Variants in CHTF18 observed in about 807,000 individuals in gnomAD.
The protein encoded by CHTF18 is chromosome transmission fidelity factor 18.
A neutral mutation model predicts 113.4 loss-of-function variants in CHTF18; 151 were observed. The ratio of observed to expected loss-of-function variants is 1.33; its 90% CI spans 1.17 to 1.52. The LOEUF (loss-of-function observed/expected upper bound fraction) is 1.52. CHTF18 is among the 40% of genes most tolerant of loss of function. The probability of loss-of-function intolerance (pLI) is 0.00; values close to 1 mark genes in which losing one functional copy is unlikely to be tolerated. For synonymous variants in CHTF18, 916 were observed against 598.8 expected, an observed-to-expected ratio of 1.53 and a Z score of -7.74; for missense variants, 1,982 against 1,381.6, an observed-to-expected ratio of 1.43 and a Z score of -6.89.
Position 789,025 on chromosome 16 carries a change from C to A in CHTF18, c.186C>A (p.Ala62=), listed in dbSNP as rs1222308074. The part of the protein sequence containing the change: ...FEEALARGDA[A]SSPAPAASVG... Reference sequence around the variant, plus strand: ...AGGCCCTTGCCAGAGGGGACGCGGCCTCCAGTCCCGCCCCAGCCGCATCTG... The same window carrying A: ...AGGCCCTTGCCAGAGGGGACGCGGCATCCAGTCCCGCCCCAGCCGCATCTG... The change falls in exon 2 of 22, where the codon GCC becomes GCA. Residue 62 remains alanine, a synonymous_variant. Coordinates refer to ENST00000262315, the MANE Select transcript of CHTF18 (RefSeq NM_022092.3). The A allele has an allele frequency of 1.3e-6, 2 of 1,536,966 alleles. No individual in the cohort carries two copies. The highest frequency in any genetic ancestry group is 1.2e-5 in the South Asian group (1 of 83,652).
Position 792,333 on chromosome 16 carries a change from G to C in CHTF18, c.1312G>C (p.Asp438His). ...CAACTGCCTGGTCATCGATGAGATCGACGGGGCCCCCGTGGTGGGCTCCTT... is the reference window on the plus strand; with the variant it reads ...CAACTGCCTGGTCATCGATGAGATCCACGGGGCCCCCGTGGTGGGCTCCTT... ...KPNCLVIDEI[D>H]GAPVAAINVL... Residue 438 changes from aspartate (D) to histidine (H), a missense_variant, in exon 10 of 22, where the codon GAC (aspartate) becomes CAC (histidine). Coordinates refer to ENST00000262315, the MANE Select transcript of CHTF18 (RefSeq NM_022092.3). The C allele has an allele frequency of 6.4e-7, 1 of 1,553,648 alleles. No individual in the cohort carries two copies. The highest frequency in any genetic ancestry group is 8.7e-7 in the Non-Finnish European group (1 of 1,149,038).
In CHTF18 at chr16:790,288, C is replaced by A; in HGVS notation, c.699+19C>A. 1 of 1,608,450 alleles carries A rather than the reference C, an allele frequency of 6.2e-7. No homozygotes were observed. On this transcript the variant is annotated intron_variant, in intron 5 of 21. Transcript: ENST00000262315. ...CGGCGAGGTAGGGGCTGCGGGTTTG[C>A]TGGGGGGCGGTGGCGGGGCCGCCTG...
chr16:792,503 G>T lies in CHTF18; in HGVS notation c.1391G>T (p.Gly464Val), dbSNP rs748461849. ...RKGPQEVGPQGPAVPSGGGRR... is the reference protein window; with the variant it reads ...RKGPQEVGPQVPAVPSGGGRR... ...GGGCCACAGGAGGTGGGGCCACAGGGCCCGGCTGTGCCTTCGGGAGGCGGC... is the reference window on the plus strand; with the variant it reads ...GGGCCACAGGAGGTGGGGCCACAGGTCCCGGCTGTGCCTTCGGGAGGCGGC... Residue 464 changes from glycine to valine, a missense_variant, in exon 11 of 22, where the codon GGC becomes GTC. Coordinates refer to ENST00000262315, the MANE Select transcript of CHTF18 (RefSeq NM_022092.3). 6.3e-7 allele frequency: 1 copy of T among 1,590,610 alleles called. No homozygotes were observed. Among genetic ancestry groups the T allele is most frequent in the Admixed American group, 1.8e-5 (1 of 54,272 alleles).
chr16:795,765 C>T lies in CHTF18; in HGVS notation c.2256C>T (p.Ala752=). The change falls in exon 17 of 22, where the codon GCC becomes GCT. Residue 752 remains alanine (A), a synonymous_variant. Coordinates refer to ENST00000262315, the MANE Select transcript of CHTF18 (RefSeq NM_022092.3). ...SGIAPATRSR[A]TPQALLLDAL... ...TCGCGCCAGCCACGCGCAGCCGGGCCACGCCCCAGGCCCTGCTCCTCGATG... is the reference window on the plus strand; with the variant it reads ...TCGCGCCAGCCACGCGCAGCCGGGCTACGCCCCAGGCCCTGCTCCTCGATG... 1.2e-6 allele frequency: 2 copies of T among 1,609,424 alleles called. No individual in the cohort carries two copies. Among genetic ancestry groups the T allele is most frequent in the Non-Finnish European group, 1.7e-6 (2 of 1,178,886 alleles).
At position 797,113 on chromosome 16, in the gene CHTF18, G is replaced by T. The variant is rs2294448; in HGVS notation, c.2733+21G>T. 3,148 of 1,498,486 alleles carry T rather than the reference G, an allele frequency of 2.1e-3. 120 individuals are homozygous for T. The East Asian group carries it at 0.071, about 34-fold the overall frequency. The allele number at this position is 1,498,486 out of a possible 1,614,324, so 92.8% of individuals were successfully genotyped here. Reference sequence around the variant, plus strand: ...AACAGGTGTGGAATGGGCAGCTGTGGGGGTGGGACCAGGGTACATACCTTT... The same window carrying T: ...AACAGGTGTGGAATGGGCAGCTGTGTGGGTGGGACCAGGGTACATACCTTT... On this transcript the variant is annotated intron_variant, in intron 20 of 21. Transcript: ENST00000262315.
chr16:792,876 CCT>C (rs555354254), intron 12 of CHTF18, 65 bp downstream of exon 12: 252 of 1,528,610 alleles, frequency 1.6e-4, no homozygotes, highest in Admixed American at 1.0e-3. Context: ...CGTTCTGGCC[CCT>C]GTTTCCCTGC....
rs761029244 is a variant in CHTF18 at position 797,001 on chromosome 16, G to T, written c.2642G>T (p.Gly881Val). The T allele has an allele frequency of 1.3e-6, 2 of 1,548,606 alleles. No individual in the cohort carries two copies. Among genetic ancestry groups the T allele is most frequent in the Admixed American group, 1.9e-5 (1 of 51,300 alleles). ...SPPGLEGLLG[G>V]IGEKGVHRPA... Reference sequence around the variant, plus strand: ...CCAGGGCTCGAGGGTCTGCTGGGGGGCATTGGGGAGAAAGGGGTGCACCGA... The same window carrying T: ...CCAGGGCTCGAGGGTCTGCTGGGGGTCATTGGGGAGAAAGGGGTGCACCGA... The change falls in exon 20 of 22, where the codon GGC (glycine) becomes GTC (valine). Residue 881 changes from glycine (G) to valine (V), a missense_variant. Physicochemically the swap from Gly to Val is moderately radical, Grantham distance 109 (BLOSUM62 -3). Transcript: ENST00000262315.
Position 788,715 on chromosome 16 carries a change from G to A in CHTF18, c.31G>A (p.Val11Ile). The A allele has an allele frequency of 6.2e-7, 1 of 1,601,680 alleles. No individual in the cohort carries two copies. Among genetic ancestry groups the A allele is most frequent in the Non-Finnish European group, 8.5e-7 (1 of 1,175,348 alleles). Residue 11 changes from valine (V) to isoleucine (I), a missense_variant, in exon 1 of 22, where the codon GTC becomes ATC. Physicochemically the swap from Val to Ile is conservative, Grantham distance 29. Coordinates refer to ENST00000262315, the MANE Select transcript of CHTF18 (RefSeq NM_022092.3). MEDYEQELCG[V>I]EDDFHNQFAA... ...GGACTACGAGCAGGAGCTGTGCGGC[G>A]TCGAGGATGATTTCCACAACCAGTT...
In CHTF18 at chr16:797,838, G is replaced by A; in HGVS notation, c.2792-1G>A. ...TGAGGAGCAACCCTGTGGCCCCGCA[G>A]GGGACACGGCCCCGGAGCAGGACTC... On this transcript the variant is annotated splice_acceptor_variant, in intron 21 of 21. Coordinates refer to ENST00000262315, the MANE Select transcript of CHTF18 (RefSeq NM_022092.3). LOFTEE classifies it high-confidence loss of function. The A allele has an allele frequency of 6.2e-7, 1 of 1,601,996 alleles. No individual in the cohort carries two copies. The highest frequency in any genetic ancestry group is 1.1e-5 in the South Asian group (1 of 89,802).
intron 20 of CHTF18, 23 bp downstream of exon 20, chr16:797,115 GGT>G: frequency 6.7e-7 from 1 of 1,496,248 alleles, no homozygotes; most frequent in Non-Finnish European, 8.9e-7. Context: ...CAGCTGTGGG[GGT>G]GGGACCAGGG....
chr16:790,504 T>C (rs997780432), intron 6 of CHTF18, 21 bp from the exon 7 acceptor site: 1 of 1,604,530 alleles, frequency 6.2e-7, no homozygotes, highest in Admixed American at 1.7e-5. Flanking sequence ...TGTTTGTGGC[T>C]CAGGACGTGG....
At position 788,937 on chromosome 16, in the gene CHTF18, C is replaced by T. The variant is rs759701242; in HGVS notation, c.98C>T (p.Ser33Leu). Residue 33 changes from serine (S) to leucine (L), a missense_variant, in exon 2 of 22, where the codon TCG becomes TTG. By Grantham distance (145) the Ser-to-Leu change is moderately radical (BLOSUM62 -2). Coordinates refer to ENST00000262315, the MANE Select transcript of CHTF18 (RefSeq NM_022092.3). Reference sequence around the variant, plus strand: ...CAATCTCCTCTCCCAGCAGGGGCGTCGACTCCGTCGCCCTCCGGGGTCCCC... The same window carrying T: ...CAATCTCCTCTCCCAGCAGGGGCGTTGACTCCGTCGCCCTCCGGGGTCCCC... The part of the protein sequence containing the change: ...LEVLAELEGA[S>L]TPSPSGVPLF... 5.2e-6 allele frequency: 8 copies of T among 1,551,434 alleles called. No homozygotes were observed. In the South Asian group the frequency reaches 9.3e-5, roughly 18 times the overall value.
In CHTF18 at chr16:792,382, G is replaced by A. The variant is rs2277898; in HGVS notation, c.1326+35G>A. 18,270 of 1,560,872 alleles carry A rather than the reference G, an allele frequency of 0.012. 1,103 individuals carry two copies. In the South Asian group the frequency reaches 0.14, roughly 12 times the overall value. On this transcript the variant is annotated intron_variant, in intron 10 of 21. Coordinates refer to ENST00000262315, the MANE Select transcript of CHTF18 (RefSeq NM_022092.3). ...TTGATGCCTGGGTAGGTGGGTGGGC[G>A]GGCAGGCAGGCGGGCAGCAGGGCCT...
At chr16:791,710 C>T in intron 8 of CHTF18, 141 bp from the exon 9 acceptor site, 5 of 1,434,950 alleles carry the variant, frequency 3.5e-6, no homozygotes, top group African/African-American at 1.4e-5. Flanking sequence ...TGAAAGTGCT[C>T]AATTTTGTTC....
In CHTF18 at chr16:794,196, G is replaced by T; in HGVS notation, c.1945G>T (p.Val649Phe). Residue 649 changes from valine to phenylalanine, a missense_variant, in exon 15 of 22, where the codon GTC becomes TTC. Val to Phe is a conservative substitution (Grantham distance 50). Transcript: ENST00000262315. ...AASAGEHEKV[V>F]QGLFDNFLRL... ...CTCTGCGGGCGAGCACGAGAAGGTG[G>T]TCCAGGTACCTGTCTTCCACCAAAA... 2 of 1,610,794 alleles carry T rather than the reference G, an allele frequency of 1.2e-6. No individual in the cohort carries two copies. Among genetic ancestry groups the T allele is most frequent in the Non-Finnish European group, 1.7e-6 (2 of 1,178,466 alleles).
At position 791,954 on chromosome 16, in the gene CHTF18, T is replaced by G; in HGVS notation, c.1202+6T>G. ...GTGGTGGAGATGAACGCCAGGTGAG[T>G]GATGTGAGGTCCGTCTCTGGCTCGC... is the stretch of plus-strand genomic sequence containing the variant. On this transcript the variant is annotated splice_donor_region_variant and intron_variant, in intron 9 of 21. Transcript: ENST00000262315. 1 of 1,603,854 alleles carries G rather than the reference T, an allele frequency of 6.2e-7. No homozygotes were observed. Among genetic ancestry groups the G allele is most frequent in the Non-Finnish European group, 8.5e-7 (1 of 1,175,922 alleles).
chr16:795,337 T>TC lies in CHTF18; in HGVS notation c.2160dup (p.Ser721GlnfsTer65). Reference sequence around the variant, plus strand: ...TCCAGCCACACACCCAGGATCACCTTCCCCAGCAGCCAGCAGGAGGTGTGC... The same window carrying TC: ...TCCAGCCACACACCCAGGATCACCTTCCCCCAGCAGCCAGCAGGAGGTGTGC... On this transcript the variant is annotated frameshift_variant, in exon 16 of 22. Transcript: ENST00000262315. LOFTEE classifies it high-confidence loss of function. 6.5e-7 allele frequency: 1 copy of TC among 1,546,306 alleles called. No individual in the cohort carries two copies. The highest frequency in any genetic ancestry group is 8.7e-7 in the Non-Finnish European group (1 of 1,146,240).
chr16:788,669 C>T lies in CHTF18; in HGVS notation c.-16C>T, dbSNP rs761285335. On this transcript the variant is annotated 5_prime_UTR_variant, in exon 1 of 22. Coordinates refer to ENST00000262315, the MANE Select transcript of CHTF18 (RefSeq NM_022092.3). ...GCGCGGGAGGTTCGGAGCGGGAGCT[C>T]GGGCTCGCGGACGGTATGGAGGACT... The T allele has an allele frequency of 3.3e-6, 5 of 1,521,000 alleles. No homozygotes were observed. The highest frequency in any genetic ancestry group is 2.1e-5 in the Admixed American group (1 of 46,864). 94.2% of individuals were successfully genotyped at this position (1,521,000 alleles called of 1,614,324 possible). A position where few individuals can be genotyped will look rare whatever the true frequency, so the allele number is the denominator to read the frequency against.
At position 795,492 on chromosome 16, in the gene CHTF18, C is replaced by G. The variant is rs1375596360; in HGVS notation, c.2175+136C>G. On this transcript the variant is annotated intron_variant, in intron 16 of 21. Transcript: ENST00000262315. ...TGGCTGCCCCCGGCCCCGTGCCCGC[C>G]CCCCCAAACACACTGCCCGTGTGGC... 5.3e-5 allele frequency: 15 copies of G among 281,412 alleles called. 2 individuals are homozygous for G. The highest frequency in any genetic ancestry group is 1.9e-3 in the Middle Eastern group (2 of 1,050). The allele number at this position is 281,412 out of a possible 1,614,324, so 17.4% of individuals were successfully genotyped here. A position where few individuals can be genotyped will look rare whatever the true frequency, so the allele number is the denominator to read the frequency against.
Sources: allele counts gnomAD v4.1 joint callset, GRCh38; gene constraint gnomAD v4.1.1; transcripts MANE v1.5; gene names NCBI Gene and HGNC (gene_info 2026-07-23, HGNC 2026-07-21).